GRIA3: variants seen among roughly 807,000 people sequenced by gnomAD.
GRIA3 encodes the protein glutamate receptor 3.
In GRIA3, 3 loss-of-function variants were observed where a neutral mutation model predicts 63.0. The ratio of observed to expected loss-of-function variants is 0.05; its 90% CI spans 0.02 to 0.12. The LOEUF is 0.12. Ranked by LOEUF, GRIA3 falls within the 10% of genes least tolerant of loss-of-function variation. The pLI is 1.00. For missense variants in GRIA3, 347 were observed against 700.9 expected (o/e 0.50, Z 5.70); for synonymous variants, 274 against 257.9 (o/e 1.06, Z -0.60).
chrX:123,453,350 T>A (rs1485482660), intron 12 of GRIA3, among the ~76,000 whole-genome samples: 1 of 108,763 alleles, frequency 9.2e-6, no homozygotes, highest in Non-Finnish European at 1.9e-5. Context: ...AAGAGAACAC[T>A]TGGACACAGG....
intron 10 of GRIA3, among the ~76,000 whole-genome samples, chrX:123,409,262 A>G (rs1296866894): frequency 8.9e-6 from 1 of 112,306 alleles, no homozygotes; most frequent in Non-Finnish European, 1.9e-5. Context: ...GGAAAGAATG[A>G]AAAAAATCAG....
chrX:123,482,346 AAG>A (rs2045915966), intron 14 of GRIA3, among the ~76,000 whole-genome samples: 1 of 112,151 alleles, frequency 8.9e-6, no homozygotes, highest in African/African-American at 3.2e-5. Context: ...GCAAGGGAGA[AAG>A]GGGTGTTGCG....
intron 2 of GRIA3, among the ~76,000 whole-genome samples, chrX:123,221,304 G>C (rs1429421106): frequency 8.9e-6 from 1 of 111,923 alleles, no homozygotes; most frequent in African/African-American, 3.3e-5. Context: ...GAATGCATAG[G>C]TGTTTAAAAG....
intron 2 of GRIA3, among the ~76,000 whole-genome samples, chrX:123,242,710 A>G (rs1226401404): frequency 8.9e-6 from 1 of 112,079 alleles, no homozygotes; most frequent in African/African-American, 3.2e-5. Context: ...AAATTTAGCT[A>G]TTACTTCCAT....
At chrX:123,462,341 G>T (rs942319383) in intron 12 of GRIA3, among the ~76,000 whole-genome samples, 8 of 111,421 alleles carry the variant, frequency 7.2e-5, no homozygotes, top group Non-Finnish European at 1.3e-4. Flanking sequence ...GACCTACAGG[G>T]CCCTACAAGA....
At chrX:123,325,148 G>A (rs767434686) in intron 3 of GRIA3, among the ~76,000 whole-genome samples, 4 of 112,027 alleles carry the variant, frequency 3.6e-5, no homozygotes, top group African/African-American at 9.7e-5. Flanking sequence ...AACCAGAAGC[G>A]AAACTATAGA....
intron 11 of GRIA3, among the ~76,000 whole-genome samples, chrX:123,425,834 T>TA (rs1181915470): frequency 1.2e-3 from 139 of 111,559 alleles, no homozygotes; most frequent in Non-Finnish European, 2.2e-3. Context: ...ACTACAGATT[T>TA]AAAAAAAATC....
intron 3 of GRIA3, among the ~76,000 whole-genome samples, chrX:123,316,453 C>T (rs1188254316): frequency 8.9e-6 from 1 of 112,187 alleles, no homozygotes; most frequent in Non-Finnish European, 1.9e-5. Context: ...AGTGGGACAA[C>T]CTTTCTGGAG....
chrX:123,304,482 T>C (rs1278633282), intron 3 of GRIA3, among the ~76,000 whole-genome samples: 1 of 112,017 alleles, frequency 8.9e-6, no homozygotes, highest in Admixed American at 9.5e-5. Context: ...TGCATAATTC[T>C]AGCAGAGTCT....
chrX:123,438,848 G>A (rs150512639), intron 12 of GRIA3, among the ~76,000 whole-genome samples: 149 of 112,564 alleles, frequency 1.3e-3, no homozygotes, highest in African/African-American at 4.7e-3. Context: ...AAATAGATGA[G>A]GGCATCTTCT....
chrX:123,404,596 C>T, intron 9 of GRIA3, 112 bp from the exon 10 acceptor site: 1 of 531,318 alleles, frequency 1.9e-6, no homozygotes, highest in Non-Finnish European at 3.3e-6. Context: ...AATTTAAAGG[C>T]CTTTTTCACA....
chrX:123,463,682 AAG>A (rs1406949025), intron 12 of GRIA3, among the ~76,000 whole-genome samples: 3 of 40,707 alleles, frequency 7.4e-5, no homozygotes, highest in African/African-American at 3.1e-4. Flanking sequence ...GAAAGAAAGA[AAG>A]AGAGAGAAAG....
intron 3 of GRIA3, among the ~76,000 whole-genome samples, chrX:123,260,422 C>CAGAAAGAA (rs764729147): frequency 0.02 from 118 of 5,823 alleles, 17 homozygotes; most frequent in Admixed American, 0.047. Flanking sequence ...GACAGACAGA[C>CAGAAAGAA]AGACAGAAAG....
intron 13 of GRIA3, among the ~76,000 whole-genome samples, chrX:123,475,748 C>G (rs1009207282): frequency 8.9e-6 from 1 of 112,131 alleles, no homozygotes; most frequent in African/African-American, 3.2e-5. Flanking sequence ...CTGCAAAATA[C>G]ACCCTTGCTA....
chrX:123,250,021 T>C (rs189589908), intron 2 of GRIA3, among the ~76,000 whole-genome samples: 21 of 111,971 alleles, frequency 1.9e-4, no homozygotes, highest in African/African-American at 6.2e-4. Flanking sequence ...TATAAAGCTT[T>C]AAAACAAGCA....
chrX:123,241,168 C>A, intron 2 of GRIA3, among the ~76,000 whole-genome samples: 1 of 111,719 alleles, frequency 9.0e-6, no homozygotes, highest in East Asian at 2.8e-4. Flanking sequence ...TTGGATTATA[C>A]TACCCGAAGC....
chrX:123,327,680 G>A (rs181789269), intron 4 of GRIA3, among the ~76,000 whole-genome samples: 8 of 110,973 alleles, frequency 7.2e-5, no homozygotes, highest in South Asian at 7.7e-4. Context: ...ACTCTATATC[G>A]TAGAAATACA....
intron 3 of GRIA3, among the ~76,000 whole-genome samples, chrX:123,313,162 A>C (rs1239928990): frequency 9.0e-6 from 1 of 111,669 alleles, no homozygotes; most frequent in Non-Finnish European, 1.9e-5. Flanking sequence ...GTAAACAACT[A>C]ATCAAAGTGA....
intron 2 of GRIA3, among the ~76,000 whole-genome samples, chrX:123,251,781 A>G (rs537023081): frequency 1.8e-5 from 2 of 111,809 alleles, no homozygotes; most frequent in Admixed American, 9.4e-5. Flanking sequence ...TCTGAGGGTC[A>G]CTTAGAATTC....
Sources: gnomAD v4.1 joint callset for allele counts (sites outside exome capture counted in the v4.1 genomes callset) on GRCh38, gnomAD v4.1.1 for gene constraint, MANE v1.5 for transcripts, NCBI Gene and HGNC (gene_info 2026-07-23, HGNC 2026-07-21) for gene names.